LRP1B: variants seen among roughly 807,000 people sequenced by gnomAD.
LRP1B encodes the protein low-density lipoprotein receptor-related protein 1B.
Under a neutral mutation model 556.6 loss-of-function variants are expected in LRP1B, and 217 were observed. That is an observed-to-expected ratio of 0.39 (90% CI 0.35 to 0.44). The LOEUF is 0.44. Among genes scored for constraint, LRP1B ranks in the 20% least tolerant of loss-of-function variants. LRP1B has a pLI of 1.00. For synonymous variants in LRP1B, 2,047 were observed against 1,865.8 expected, an observed-to-expected ratio of 1.10 and a Z score of -2.50; for missense variants, 5,053 against 5,620.8, an observed-to-expected ratio of 0.90 and a Z score of 3.23.
chr2:141,584,580 G>A (rs1415232257), intron 2 of LRP1B, among the ~76,000 whole-genome samples: 8 of 152,122 alleles, frequency 5.3e-5, no homozygotes, highest in Admixed American at 3.9e-4. Flanking sequence ...TTAATGAACA[G>A]TTGTATAATC....
chr2:140,824,208 A>AT (rs1559140477), intron 31 of LRP1B, among the ~76,000 whole-genome samples: 1 of 152,138 alleles, frequency 6.6e-6, no homozygotes, highest in African/African-American at 2.4e-5. Flanking sequence ...GCTATTAAAT[A>AT]TATTTTAAGA....
At position 141,468,293 on chromosome 2, in the gene LRP1B, G is replaced by A. The variant is rs1433232072; in HGVS notation, c.343+12103C>T. 1.3e-5 allele frequency among the ~76,000 whole-genome samples: 2 copies of A among 152,154 alleles called. 1 individual carries two copies. The highest frequency in any genetic ancestry group is 2.9e-5 in the Non-Finnish European group (2 of 68,020). ...GACACAGGAGTCAAAGCAAGAGCATGACTAGTGCAAACCTCATCTTACACT... is the reference window on the plus strand; with the variant it reads ...GACACAGGAGTCAAAGCAAGAGCATAACTAGTGCAAACCTCATCTTACACT... On this transcript the variant is annotated intron_variant, in intron 3 of 90. Coordinates refer to ENST00000389484, the MANE Select transcript of LRP1B (RefSeq NM_018557.3).
At chr2:141,237,235 G>C (rs1390322021) in intron 5 of LRP1B, among the ~76,000 whole-genome samples, 2 of 151,990 alleles carry the variant, frequency 1.3e-5, no homozygotes, top group Non-Finnish European at 2.9e-5. Context: ...ATCATTAAAA[G>C]AAACAGTAAG....
At chr2:141,577,869 T>C (rs1339583780) in intron 2 of LRP1B, among the ~76,000 whole-genome samples, 1 of 152,194 alleles carries the variant, frequency 6.6e-6, no homozygotes, top group African/African-American at 2.4e-5. Context: ...ATGCTTACTT[T>C]AGAAGTAGCA....
intron 6 of LRP1B, among the ~76,000 whole-genome samples, chr2:141,206,961 C>T (rs1019038936): frequency 1.1e-4 from 17 of 152,152 alleles, no homozygotes; most frequent in Admixed American, 9.8e-4. Flanking sequence ...TCAGCACAAG[C>T]CCTTCTAATT....
At chr2:142,066,206 C>A (rs1490075593) in intron 1 of LRP1B, among the ~76,000 whole-genome samples, 1 of 151,492 alleles carries the variant, frequency 6.6e-6, no homozygotes, top group Non-Finnish European at 1.5e-5. Flanking sequence ...TGCTTTCCTT[C>A]CAGTGAATCT....
At chr2:141,245,929 A>T (rs1212262049) in intron 5 of LRP1B, among the ~76,000 whole-genome samples, 2 of 152,032 alleles carry the variant, frequency 1.3e-5, no homozygotes, top group Non-Finnish European at 2.9e-5. Flanking sequence ...TTTTTTCCAC[A>T]AATATTTATT....
chr2:141,198,961 T>G (rs1558927334), intron 6 of LRP1B, among the ~76,000 whole-genome samples: 1 of 152,178 alleles, frequency 6.6e-6, no homozygotes, highest in Non-Finnish European at 1.5e-5. Context: ...GTTTAGACAC[T>G]ATCTTATCTC....
chr2:141,740,231 T>G (rs1693646213), intron 2 of LRP1B, among the ~76,000 whole-genome samples: 1 of 152,164 alleles, frequency 6.6e-6, no homozygotes, highest in African/African-American at 2.4e-5. Flanking sequence ...TCCTGTGTAA[T>G]CTTTATCACA....
chr2:141,904,012 C>G (rs930571797), intron 1 of LRP1B, among the ~76,000 whole-genome samples: 1 of 151,520 alleles, frequency 6.6e-6, no homozygotes, highest in African/African-American at 2.4e-5. Flanking sequence ...CCAGAGAGCA[C>G]GAAGGGTAAT....
At chr2:141,808,851 G>A (rs1253234820) in intron 2 of LRP1B, among the ~76,000 whole-genome samples, 1 of 152,054 alleles carries the variant, frequency 6.6e-6, no homozygotes, top group Non-Finnish European at 1.5e-5. Flanking sequence ...CGTAAAACAT[G>A]TGATCTTTTT....
intron 15 of LRP1B, among the ~76,000 whole-genome samples, 184 bp from the exon 16 acceptor site, chr2:140,994,319 C>T (rs1006705404): frequency 5.3e-5 from 8 of 151,472 alleles, no homozygotes; most frequent in Non-Finnish European, 7.4e-5. Flanking sequence ...CAAGTTGTTG[C>T]AATTGACAGA....
At chr2:141,595,926 T>G (rs1229019134) in intron 2 of LRP1B, among the ~76,000 whole-genome samples, 1 of 151,986 alleles carries the variant, frequency 6.6e-6, no homozygotes, top group African/African-American at 2.4e-5. Context: ...TTAATTAGAG[T>G]GATGAATGAT....
intron 12 of LRP1B, 81 bp downstream of exon 12, chr2:141,019,841 A>G (rs1250887352): frequency 1.9e-6 from 2 of 1,074,946 alleles, no homozygotes; most frequent in East Asian, 5.4e-5. Flanking sequence ...ATGGATTTAA[A>G]TAAAACTATT....
At chr2:141,789,403 C>G (rs1695534783) in intron 2 of LRP1B, among the ~76,000 whole-genome samples, 1 of 151,650 alleles carries the variant, frequency 6.6e-6, no homozygotes, top group Non-Finnish European at 1.5e-5. Flanking sequence ...AAAAACAGCC[C>G]ACATACCACT....
At chr2:141,465,517 C>T (rs917003857) in intron 3 of LRP1B, among the ~76,000 whole-genome samples, 6 of 148,694 alleles carry the variant, frequency 4.0e-5, no homozygotes, top group Non-Finnish European at 8.9e-5. Context: ...AGGTATTTGC[C>T]AGTTTTTTGC....
At chr2:141,101,253 A>G (rs962310796) in intron 7 of LRP1B, among the ~76,000 whole-genome samples, 1 of 152,164 alleles carries the variant, frequency 6.6e-6, no homozygotes, top group African/African-American at 2.4e-5. Context: ...AGGGATGACT[A>G]GCTCTGTAAG....
At chr2:141,460,406 C>G (rs1681818009) in intron 3 of LRP1B, among the ~76,000 whole-genome samples, 1 of 152,044 alleles carries the variant, frequency 6.6e-6, no homozygotes. Flanking sequence ...GAAGAATTGG[C>G]AATTATGGGG....
At chr2:140,683,442 G>A in intron 41 of LRP1B, 1 of 546,172 alleles carries the variant, frequency 1.8e-6, no homozygotes, top group South Asian at 1.7e-5. Context: ...GTGCCACCTG[G>A]GGTCATAGAT....
Sources: gnomAD v4.1 joint callset for allele counts (sites outside exome capture counted in the v4.1 genomes callset) on GRCh38, gnomAD v4.1.1 for gene constraint, MANE v1.5 for transcripts, NCBI Gene and HGNC (gene_info 2026-07-23, HGNC 2026-07-21) for gene names.